Variants in FUT8 observed in about 807,000 individuals in gnomAD.
FUT8 encodes the protein fucosyltransferase 8.
In FUT8, 29 loss-of-function variants were observed where a neutral mutation model predicts 71.3. That is an observed-to-expected ratio of 0.41 (90% confidence interval 0.30 to 0.55). The LOEUF is 0.55. Among genes scored for constraint, FUT8 ranks in the 20% least tolerant of loss-of-function variants. FUT8 has a pLI of 0.34. For missense variants in FUT8, 544 were observed against 702.1 expected (o/e 0.77, Z 2.55); for synonymous variants, 254 against 239.3 (o/e 1.06, Z -0.57).
chr14:65,568,045 C>T lies in FUT8; in HGVS notation c.203+6279C>T, dbSNP rs78961554. Among the ~76,000 whole-genome samples, 742 of 151,568 alleles carry T rather than the reference C, an allele frequency of 4.9e-3. 8 individuals carry two copies. The highest frequency in any genetic ancestry group is 0.017 in the African/African-American group (703 of 41,408). ...GTCTTTTTGTGGGGAAGGGTGGTGG[C>T]GAGGAAGGAGAACATATGGGAAGAT... is the stretch of plus-strand genomic sequence containing the variant. On this transcript the variant is annotated intron_variant, in intron 3 of 10. Coordinates refer to ENST00000673929, the MANE Select transcript of FUT8 (RefSeq NM_001371533.1).
chr14:65,614,282 A>T (rs895893732), intron 3 of FUT8, among the ~76,000 whole-genome samples: 8 of 152,226 alleles, frequency 5.3e-5, no homozygotes, highest in Admixed American at 2.6e-4. Flanking sequence ...AGTAGCCTTC[A>T]TAAAATTTAT....
rs34293733 is a variant in FUT8, at chr14:65,688,520, C to CAAAAAAAA, written c.835+19058_835+19065dup. Among the ~76,000 whole-genome samples, 10 of 55,104 alleles carry CAAAAAAAA rather than the reference C, an allele frequency of 1.8e-4. 1 individual carries two copies. The highest frequency in any genetic ancestry group is 4.5e-4 in the African/African-American group (6 of 13,328). The allele number at this position is 55,104 out of a possible 152,430, so 36.2% of individuals were successfully genotyped here. A position where few individuals can be genotyped will look rare whatever the true frequency, so the allele number is the denominator to read the frequency against. ...GTGCTGGAACTGGACATCCACATGC[C>CAAAAAAAA]AAAAAAAAAAAAAAAAAAAAAAAAA... On this transcript the variant is annotated intron_variant, in intron 7 of 10. Coordinates refer to ENST00000673929, the MANE Select transcript of FUT8 (RefSeq NM_001371533.1).
chr14:65,627,902 C>T lies in FUT8; in HGVS notation c.483-1590C>T, dbSNP rs1182812660. 1.3e-5 allele frequency among the ~76,000 whole-genome samples: 2 copies of T among 152,080 alleles called. No homozygotes were observed. The highest frequency in any genetic ancestry group is 2.4e-5 in the African/African-American group (1 of 41,414). ...AACTGCCTGACCATCACCTGATGGT[C>T]GCCTGACATTGCTTGGAGGTTAAGG... On this transcript the variant is annotated intron_variant, in intron 5 of 10. Transcript: ENST00000673929. This position sits in a 1 kb window ranked among gnomAD's most constrained non-coding sequence, Gnocchi z 4.0.
chr14:65,454,907 C>T (rs2065875501), intron 1 of FUT8, among the ~76,000 whole-genome samples: 1 of 151,924 alleles, frequency 6.6e-6, no homozygotes, highest in East Asian at 1.9e-4. Flanking sequence ...GGAGAAGGGC[C>T]CCTGATCAAA....
chr14:65,550,129 A>T lies in FUT8; in HGVS notation c.-227-11208A>T, dbSNP rs931159866. 2.0e-5 allele frequency among the ~76,000 whole-genome samples: 3 copies of T among 152,138 alleles called. No individual in the cohort carries two copies. Among genetic ancestry groups the T allele is most frequent in the Non-Finnish European group, 4.4e-5 (3 of 68,024 alleles). On this transcript the variant is annotated intron_variant, in intron 2 of 10. Coordinates refer to ENST00000673929, the MANE Select transcript of FUT8 (RefSeq NM_001371533.1). The surrounding 1 kb of genome is among the most constrained non-coding windows in gnomAD (Gnocchi z 4.5). Reference sequence around the variant, plus strand: ...CTTTGCAGTCTGTAGGAGAAGCATAATGCCAGCATCTGCTTCTGGGTGAGA... The same window carrying T: ...CTTTGCAGTCTGTAGGAGAAGCATATTGCCAGCATCTGCTTCTGGGTGAGA...
At chr14:65,640,257 A>G (rs1282538747) in intron 6 of FUT8, among the ~76,000 whole-genome samples, 1 of 150,968 alleles carries the variant, frequency 6.6e-6, no homozygotes, top group African/African-American at 2.4e-5. Flanking sequence ...TAAGAAGAAA[A>G]GAAAAAAAAA....
At chr14:65,597,516 G>T (rs372834795) in intron 3 of FUT8, among the ~76,000 whole-genome samples, 1 of 152,036 alleles carries the variant, frequency 6.6e-6, no homozygotes, top group African/African-American at 2.4e-5. Flanking sequence ...CTAGCTACTC[G>T]GGAGGCTGAG....
intron 2 of FUT8, among the ~76,000 whole-genome samples, chr14:65,475,566 C>T (rs1163979602): frequency 6.6e-6 from 1 of 152,028 alleles, no homozygotes; most frequent in Non-Finnish European, 1.5e-5. Context: ...TAGTGAGACC[C>T]TGTCTCTACC....
chr14:65,692,410 ACC>A (rs1453206177), intron 7 of FUT8, among the ~76,000 whole-genome samples: 2 of 82,252 alleles, frequency 2.4e-5, no homozygotes, highest in Admixed American at 1.3e-4. Flanking sequence ...CGGGGGGCTG[ACC>A]CCCCCACCTC....
intron 2 of FUT8, among the ~76,000 whole-genome samples, chr14:65,466,481 T>G (rs9323460): frequency 0.69 from 105,472 of 152,116 alleles, 36,864 homozygotes; most frequent in East Asian, 0.9. Flanking sequence ...TGAGGATGGT[T>G]GCTCATGCCT....
chr14:65,617,086 G>T (rs758844704), intron 5 of FUT8: 55 of 1,591,428 alleles, frequency 3.5e-5, no homozygotes, highest in Non-Finnish European at 4.3e-5. Flanking sequence ...TATGTTTCCA[G>T]TAGGATTCTG....
intron 6 of FUT8, among the ~76,000 whole-genome samples, chr14:65,639,699 G>A (rs545343637): frequency 1.3e-5 from 2 of 152,092 alleles, no homozygotes; most frequent in South Asian, 4.1e-4. Flanking sequence ...ACTTTAACAT[G>A]TATAAAAATA....
intron 9 of FUT8, among the ~76,000 whole-genome samples, chr14:65,731,892 T>G (rs1223851348): frequency 6.6e-6 from 1 of 152,188 alleles, no homozygotes; most frequent in Non-Finnish European, 1.5e-5. Flanking sequence ...ACTCCTTTGT[T>G]TCACTGAGCA....
intron 2 of FUT8, chr14:65,468,102 G>T: frequency 1.6e-6 from 1 of 633,508 alleles, no homozygotes. Flanking sequence ...TGAGTAACGT[G>T]TTTGTTTACA....
upstream of FUT8, chr14:65,412,612 C>A (rs2065149335): frequency 3.3e-6 from 1 of 299,886 alleles, no homozygotes. Flanking sequence ...TCCACCGGCG[C>A]AGCGAGGAAG....
In FUT8 at chr14:65,554,245, G is replaced by A. The variant is rs183548268; in HGVS notation, c.-227-7092G>A. On this transcript the variant is annotated intron_variant, in intron 2 of 10. Coordinates refer to ENST00000673929, the MANE Select transcript of FUT8 (RefSeq NM_001371533.1). Reference sequence around the variant, plus strand: ...GTCCATTTAGCATTTCTTCTTTGCCGAATCCCTTATCTGTTTTTGTATTTT... The same window carrying A: ...GTCCATTTAGCATTTCTTCTTTGCCAAATCCCTTATCTGTTTTTGTATTTT... 6.6e-5 allele frequency among the ~76,000 whole-genome samples: 10 copies of A among 151,554 alleles called. No individual in the cohort carries two copies. In the East Asian group the frequency reaches 7.7e-4, roughly 12 times the overall value.
In FUT8 at chr14:65,660,270, A is replaced by T. The variant is rs1011901818; in HGVS notation, c.598-8973A>T. Among the ~76,000 whole-genome samples the T allele has an allele frequency of 6.6e-6, 1 of 152,146 alleles. No individual in the cohort carries two copies. The highest frequency in any genetic ancestry group is 1.5e-5 in the Non-Finnish European group (1 of 68,014). The stretch of plus-strand genomic sequence containing the variant: ...AATACTGTCTTGAAAGCCTCAGTGG[A>T]AGAAATGCCCCACATTTGCTTGTTG... On this transcript the variant is annotated intron_variant, in intron 6 of 10. Coordinates refer to ENST00000673929, the MANE Select transcript of FUT8 (RefSeq NM_001371533.1). The surrounding 1 kb of genome is among the most constrained non-coding windows in gnomAD (Gnocchi z 4.1).
At chr14:65,596,734 T>A (rs533946023) in intron 3 of FUT8, among the ~76,000 whole-genome samples, 22 of 152,274 alleles carry the variant, frequency 1.4e-4, no homozygotes, top group African/African-American at 4.1e-4. Context: ...CTTTTTTTTT[T>A]AAATGAAATC....
intron 2 of FUT8, among the ~76,000 whole-genome samples, chr14:65,556,287 C>T (rs1885582538): frequency 6.6e-6 from 1 of 152,100 alleles, no homozygotes; most frequent in Admixed American, 6.6e-5. Context: ...AGATGTGGAC[C>T]AAAGCTACAG....
Sources: gnomAD v4.1 joint callset for allele counts (sites outside exome capture counted in the v4.1 genomes callset) on GRCh38, gnomAD v4.1.1 for gene constraint, Gnocchi (gnomAD v3.1) non-coding constraint, MANE v1.5 for transcripts, NCBI Gene and HGNC (gene_info 2026-07-23, HGNC 2026-07-21) for gene names.